Variants in GBE1 observed in about 807,000 individuals in gnomAD.
GBE1 encodes the protein 1,4-alpha-glucan branching enzyme 1, also known as 1,4-alpha-glucan-branching enzyme.
In GBE1, 70 loss-of-function variants were observed where a neutral mutation model predicts 88.8. The ratio of observed to expected loss-of-function variants is 0.79; its 90% CI spans 0.65 to 0.96. The LOEUF (loss-of-function observed/expected upper bound fraction) is 0.96. Ranked by LOEUF, GBE1 falls within the 40% of genes least tolerant of loss-of-function variation. The probability of loss-of-function intolerance (pLI) is 0.00; values close to 1 mark genes in which losing one functional copy is unlikely to be tolerated. For synonymous variants in GBE1, 284 were observed against 300.1 expected, an observed-to-expected ratio of 0.95 and a Z score of 0.56; for missense variants, 872 against 871.0, an observed-to-expected ratio of 1.00 and a Z score of -0.01.
At chr3:81,490,500 A>G (rs1207398394) in intron 15 of GBE1, 37 bp from the exon 16 acceptor site, 1 of 1,527,964 alleles carries the variant, frequency 6.5e-7, no homozygotes, top group South Asian at 1.1e-5. Context: ...AATTGAAGAA[A>G]GTACCAAACG....
chr3:81,665,894 A>T (rs922716510), intron 3 of GBE1, among the ~76,000 whole-genome samples: 5 of 152,192 alleles, frequency 3.3e-5, no homozygotes, highest in Non-Finnish European at 7.3e-5. Flanking sequence ...ACCTCAAGAA[A>T]GCATACAATT....
intron 7 of GBE1, among the ~76,000 whole-genome samples, chr3:81,611,026 T>C (rs987629902): frequency 1.3e-5 from 2 of 152,086 alleles, no homozygotes; most frequent in Admixed American, 6.5e-5. Flanking sequence ...GTAATCTTTA[T>C]AGTACTCTCA....
At chr3:81,724,970 A>C (rs964161224) in intron 1 of GBE1, among the ~76,000 whole-genome samples, 2 of 152,148 alleles carry the variant, frequency 1.3e-5, no homozygotes, top group Admixed American at 1.3e-4. Context: ...TGCTTGCCAA[A>C]ATGCCTGTTA....
At chr3:81,720,495 G>C (rs897697220) in intron 1 of GBE1, among the ~76,000 whole-genome samples, 1 of 151,870 alleles carries the variant, frequency 6.6e-6, no homozygotes, top group Non-Finnish European at 1.5e-5. Context: ...TGCATTGTGT[G>C]CATGTCTCAA....
intron 1 of GBE1, among the ~76,000 whole-genome samples, chr3:81,748,466 C>A (rs187796635): frequency 7.7e-4 from 116 of 150,794 alleles, no homozygotes; most frequent in African/African-American, 2.8e-3. Flanking sequence ...AAAAAATTAG[C>A]CGGGTGTGGT....
At chr3:81,612,246 TAAAG>T (rs1381579927) in intron 7 of GBE1, 13 of 309,410 alleles carry the variant, frequency 4.2e-5, no homozygotes, top group Non-Finnish European at 6.2e-5. Flanking sequence ...AAAAAAAACT[TAAAG>T]AAGCTCTCTG....
At chr3:81,677,379 G>A (rs2107124597) in intron 2 of GBE1, among the ~76,000 whole-genome samples, 1 of 152,252 alleles carries the variant, frequency 6.6e-6, no homozygotes, top group East Asian at 1.9e-4. Flanking sequence ...CATCTGAAAG[G>A]ATATCCTCGG....
At chr3:81,560,283 A>T (rs1023843257) in intron 12 of GBE1, among the ~76,000 whole-genome samples, 2 of 151,998 alleles carry the variant, frequency 1.3e-5, no homozygotes, top group Non-Finnish European at 2.9e-5. Context: ...ATAGCACTTT[A>T]AAATAACATT....
At chr3:81,607,747 CA>C (rs1559661055) in intron 7 of GBE1, among the ~76,000 whole-genome samples, 1 of 152,070 alleles carries the variant, frequency 6.6e-6, no homozygotes, top group African/African-American at 2.4e-5. Context: ...TGACCTTAGT[CA>C]AGTCTAAAAT....
intron 14 of GBE1, among the ~76,000 whole-genome samples, chr3:81,500,511 G>A (rs1702573074): frequency 6.6e-6 from 1 of 152,170 alleles, no homozygotes; most frequent in Non-Finnish European, 1.5e-5. Context: ...ACAGTTTAGA[G>A]AGTAATGTTC....
chr3:81,533,514 C>G (rs764613892), intron 14 of GBE1, among the ~76,000 whole-genome samples: 2 of 152,144 alleles, frequency 1.3e-5, no homozygotes, highest in South Asian at 4.2e-4. Flanking sequence ...TCTCTTTGCC[C>G]TCAATGTCAC....
At chr3:81,497,416 C>A (rs1201398596) in intron 15 of GBE1, among the ~76,000 whole-genome samples, 1 of 152,142 alleles carries the variant, frequency 6.6e-6, no homozygotes, top group Non-Finnish European at 1.5e-5. Flanking sequence ...TTCCAAAAAG[C>A]TTGGGCATGT....
intron 14 of GBE1, among the ~76,000 whole-genome samples, chr3:81,530,806 T>TG (rs1703002115): frequency 1.3e-5 from 2 of 151,894 alleles, no homozygotes; most frequent in Admixed American, 1.3e-4. Flanking sequence ...CGAAAGTCTC[T>TG]GGTGACTATT....
At chr3:81,710,232 C>CTTTTTTTTTTTTTTTTT (rs397990331) in intron 1 of GBE1, among the ~76,000 whole-genome samples, 3 of 93,232 alleles carry the variant, frequency 3.2e-5, no homozygotes, top group African/African-American at 1.4e-4. Context: ...GGTAATTAAT[C>CTTTTTTTTTTTTTTTTT]TTTTTTTTTT....
chr3:81,637,078 T>G (rs930854222), intron 7 of GBE1, among the ~76,000 whole-genome samples: 2 of 152,160 alleles, frequency 1.3e-5, no homozygotes, highest in Non-Finnish European at 2.9e-5. Flanking sequence ...AAGTTTCATG[T>G]ATAAATTAGG....
At chr3:81,493,823 C>G (rs1362968516) in intron 15 of GBE1, among the ~76,000 whole-genome samples, 2 of 144,706 alleles carry the variant, frequency 1.4e-5, no homozygotes, top group Non-Finnish European at 3.0e-5. Context: ...CCACCACACC[C>G]ATCCGAGAGG....
At chr3:81,613,415 T>A (rs1704208022) in intron 7 of GBE1, among the ~76,000 whole-genome samples, 1 of 152,146 alleles carries the variant, frequency 6.6e-6, no homozygotes, top group South Asian at 2.1e-4. Context: ...CCCTGTGTAG[T>A]AGTGCATACA....
At chr3:81,643,873 C>T (rs535087425) in intron 6 of GBE1, among the ~76,000 whole-genome samples, 3 of 152,234 alleles carry the variant, frequency 2.0e-5, no homozygotes, top group East Asian at 3.9e-4. Flanking sequence ...TACTTGTGCT[C>T]CCATTCATCC....
intron 2 of GBE1, among the ~76,000 whole-genome samples, chr3:81,692,006 C>T (rs775643432): frequency 2.6e-5 from 4 of 151,978 alleles, no homozygotes; most frequent in Non-Finnish European, 5.9e-5. Flanking sequence ...ACCTTATTAC[C>T]CATGCCTTCT....
Sources: gnomAD v4.1 joint callset for allele counts (sites outside exome capture counted in the v4.1 genomes callset) on GRCh38, gnomAD v4.1.1 for gene constraint, MANE v1.5 for transcripts, NCBI Gene and HGNC (gene_info 2026-07-23, HGNC 2026-07-21) for gene names.